Variants in MBOAT2 observed in about 807,000 individuals in gnomAD.
MBOAT2 encodes membrane-bound glycerophospholipid O-acyltransferase 2.
A neutral mutation model predicts 63.4 loss-of-function variants in MBOAT2; 28 were observed. That is an observed-to-expected ratio of 0.44 (90% CI 0.33 to 0.61). The LOEUF is 0.61. MBOAT2 is among the 20% of genes least tolerant of loss of function. The pLI, the probability that MBOAT2 is intolerant of heterozygous loss-of-function variation, is 0.03. For missense variants in MBOAT2, 470 were observed against 605.8 expected, an observed-to-expected ratio of 0.78 and a Z score of 2.35; for synonymous variants, 211 against 215.6, an observed-to-expected ratio of 0.98 and a Z score of 0.19.
chr2:8,988,442 T>C (rs972953608), intron 1 of MBOAT2, among the ~76,000 whole-genome samples: 32 of 152,222 alleles, frequency 2.1e-4, no homozygotes, highest in African/African-American at 7.7e-4. Context: ...TATATTACTA[T>C]TGTATCAGTT....
At chr2:8,989,645 G>T (rs929976274) in intron 1 of MBOAT2, among the ~76,000 whole-genome samples, 4 of 152,108 alleles carry the variant, frequency 2.6e-5, no homozygotes, top group African/African-American at 7.2e-5. Context: ...AAAAGAATAG[G>T]AAGTGTCCAA....
At chr2:8,860,237 T>TC (rs1046595961) in intron 12 of MBOAT2, among the ~76,000 whole-genome samples, 1 of 152,142 alleles carries the variant, frequency 6.6e-6, no homozygotes, top group African/African-American at 2.4e-5. Flanking sequence ...GCTGGTTTTT[T>TC]CCCCAAAGAA....
In MBOAT2 at chr2:8,862,933, T is replaced by TTATTGGTATATATAGTATATA. The variant is rs550879340; in HGVS notation, c.1053-232_1053-212dup. 6.6e-6 allele frequency among the ~76,000 whole-genome samples: 1 copy of TTATTGGTATATATAGTATATA among 152,182 alleles called. No individual in the cohort carries two copies. The highest frequency in any genetic ancestry group is 2.4e-5 in the African/African-American group (1 of 41,432). On this transcript the variant is annotated intron_variant, in intron 10 of 12. Transcript: ENST00000305997. This position sits in a 1 kb window ranked among gnomAD's most constrained non-coding sequence, Gnocchi z 4.3. Reference sequence around the variant, plus strand: ...GAACATAAAGTTAATTCTCATCTTCTTATTGGTATATATAGTATATATATT... The same window carrying TTATTGGTATATATAGTATATA: ...GAACATAAAGTTAATTCTCATCTTCTTATTGGTATATATAGTATATATATTGGTATATATAGTATATATATT...
intron 6 of MBOAT2, 87 bp downstream of exon 6, chr2:8,882,424 G>A (rs1191540505): frequency 3.2e-6 from 4 of 1,262,018 alleles, no homozygotes; most frequent in Non-Finnish European, 4.6e-6. Flanking sequence ...ACCTCTAGAA[G>A]GACTAGTCAG....
intron 4 of MBOAT2, among the ~76,000 whole-genome samples, chr2:8,899,361 T>C (rs1466768563): frequency 6.6e-6 from 1 of 152,222 alleles, no homozygotes; most frequent in East Asian, 1.9e-4. Flanking sequence ...AATACCTGGT[T>C]ACAGGCTGTT....
chr2:8,867,144 G>T (rs945787552), intron 9 of MBOAT2, among the ~76,000 whole-genome samples: 4 of 152,094 alleles, frequency 2.6e-5, no homozygotes, highest in African/African-American at 9.7e-5. Context: ...AGCCTGCTGA[G>T]TAGCTGGGTC....
At chr2:8,935,630 A>G (rs1325794043) in intron 3 of MBOAT2, among the ~76,000 whole-genome samples, 2 of 152,270 alleles carry the variant, frequency 1.3e-5, no homozygotes, top group Non-Finnish European at 2.9e-5. Flanking sequence ...AGCTGAACCC[A>G]TTATTCCAAG....
intron 1 of MBOAT2, among the ~76,000 whole-genome samples, chr2:8,964,587 T>A (rs1669857794): frequency 6.6e-6 from 1 of 151,912 alleles, no homozygotes; most frequent in African/African-American, 2.4e-5. Flanking sequence ...TACACATGGC[T>A]CTACCTTATT....
intron 12 of MBOAT2, among the ~76,000 whole-genome samples, chr2:8,859,820 A>G (rs1001059037): frequency 2.0e-5 from 3 of 152,246 alleles, no homozygotes; most frequent in Non-Finnish European, 4.4e-5. Flanking sequence ...GACAATTTCT[A>G]TAATATACAG....
At chr2:8,985,559 C>T (rs1043345861) in intron 1 of MBOAT2, among the ~76,000 whole-genome samples, 9 of 152,140 alleles carry the variant, frequency 5.9e-5, no homozygotes, top group African/African-American at 2.2e-4. Context: ...CACTTCTTTT[C>T]CAGTCCTCCC....
At chr2:8,892,476 G>T (rs1275119619) in intron 4 of MBOAT2, among the ~76,000 whole-genome samples, 2 of 151,978 alleles carry the variant, frequency 1.3e-5, no homozygotes, top group East Asian at 3.9e-4. Flanking sequence ...AAAAAAAAAA[G>T]TATTTAATTA....
intron 4 of MBOAT2, among the ~76,000 whole-genome samples, chr2:8,907,331 A>G (rs1443554207): frequency 1.3e-5 from 2 of 152,348 alleles, no homozygotes; most frequent in East Asian, 1.9e-4. Context: ...ATTTAATGCC[A>G]TCGTGTGCTA....
intron 3 of MBOAT2, among the ~76,000 whole-genome samples, chr2:8,938,941 G>C (rs972305749): frequency 6.6e-6 from 1 of 152,100 alleles, no homozygotes; most frequent in East Asian, 1.9e-4. Flanking sequence ...CTCCTAGCTG[G>C]GTTAGCTATT....
In MBOAT2 at chr2:8,989,264, C is replaced by T. The variant is rs534618034; in HGVS notation, c.75+14276G>A. 2.0e-5 allele frequency among the ~76,000 whole-genome samples: 3 copies of T among 152,326 alleles called. No homozygotes were observed. The East Asian group carries it at 5.8e-4, about 29-fold the overall frequency. ...AGTGATGCTCCTTTGTCACACCTGA[C>T]ACCCATCAGCCCGTTAACGTCAAAT... On this transcript the variant is annotated intron_variant, in intron 1 of 12. Transcript: ENST00000305997.
intron 8 of MBOAT2, among the ~76,000 whole-genome samples, chr2:8,870,502 A>G (rs1662233824): frequency 6.6e-6 from 1 of 152,232 alleles, no homozygotes; most frequent in Non-Finnish European, 1.5e-5. Flanking sequence ...ACTTCCCAAA[A>G]AACAGATTTT....
chr2:8,942,485 T>C (rs1668123640), intron 3 of MBOAT2, among the ~76,000 whole-genome samples: 1 of 152,226 alleles, frequency 6.6e-6, no homozygotes, highest in African/African-American at 2.4e-5. Flanking sequence ...ACTACATGTC[T>C]TAGTTACCAA....
At chr2:8,901,650 T>G (rs1288046026) in intron 4 of MBOAT2, among the ~76,000 whole-genome samples, 2 of 152,198 alleles carry the variant, frequency 1.3e-5, no homozygotes, top group African/African-American at 4.8e-5. Context: ...GTATCCTAGC[T>G]TCAGGAATAG....
intron 3 of MBOAT2, among the ~76,000 whole-genome samples, chr2:8,916,168 G>C (rs1399038908): frequency 1.3e-5 from 2 of 152,296 alleles, no homozygotes; most frequent in South Asian, 2.1e-4. Context: ...AGAACTTGGT[G>C]TTTTGACGCC....
intron 3 of MBOAT2, among the ~76,000 whole-genome samples, chr2:8,914,057 T>C (rs551771352): frequency 2.0e-5 from 3 of 152,248 alleles, no homozygotes; most frequent in Admixed American, 2.0e-4. Flanking sequence ...TTATTCTAAG[T>C]GAAGTAACTC....
Sources: gnomAD v4.1 joint callset for allele counts (sites outside exome capture counted in the v4.1 genomes callset) on GRCh38, gnomAD v4.1.1 for gene constraint, Gnocchi (gnomAD v3.1) non-coding constraint, MANE v1.5 for transcripts, NCBI Gene and HGNC (gene_info 2026-07-23, HGNC 2026-07-21) for gene names.